OR2L13: variants seen among roughly 807,000 people sequenced by gnomAD.
OR2L13 encodes olfactory receptor 2L13.
A neutral mutation model predicts 15.3 loss-of-function variants in OR2L13; 14 were observed. That is an observed-to-expected ratio of 0.91 (90% CI 0.60 to 1.43). OR2L13 has a LOEUF of 1.43. OR2L13 is among the 40% of genes most tolerant of loss of function. The pLI, the probability that OR2L13 is intolerant of heterozygous loss-of-function variation, is 0.00. For synonymous variants in OR2L13, 152 were observed against 142.9 expected, an observed-to-expected ratio of 1.06 and a Z score of -0.45; for missense variants, 367 against 387.9, an observed-to-expected ratio of 0.95 and a Z score of 0.45.
At chr1:248,063,191 A>C in the OR2L13 span, 2 of 152,232 alleles carry the variant, frequency 1.3e-5, no homozygotes, top group Non-Finnish European at 2.9e-5. Flanking sequence ...TTATTTAAAT[A>C]ATATTAATTC....
chr1:248,036,370 A>G, the OR2L13 span, among the ~76,000 whole-genome samples: 4 of 152,162 alleles, frequency 2.6e-5, no homozygotes, highest in Non-Finnish European at 5.9e-5. Flanking sequence ...CCTTGCATAT[A>G]GCTAATGATA....
At chr1:247,966,671 G>A in the OR2L13 span, among the ~76,000 whole-genome samples, 1 of 152,176 alleles carries the variant, frequency 6.6e-6, no homozygotes, top group African/African-American at 2.4e-5. Flanking sequence ...TTTAATTTGT[G>A]TGTGACACTG....
At chr1:248,026,101 TAAAA>T in the OR2L13 span, among the ~76,000 whole-genome samples, 5 of 151,954 alleles carry the variant, frequency 3.3e-5, no homozygotes, top group Non-Finnish European at 7.4e-5. Flanking sequence ...AGTATAATAA[TAAAA>T]AAAGAAAAAT....
the OR2L13 span, among the ~76,000 whole-genome samples, chr1:247,941,654 A>T: frequency 6.6e-6 from 1 of 151,344 alleles, no homozygotes; most frequent in East Asian, 1.9e-4. Flanking sequence ...AGAGAGAGAG[A>T]GAGACCTTGT....
At chr1:248,038,398 T>C in the OR2L13 span, 1 of 1,613,772 alleles carries the variant, frequency 6.2e-7, no homozygotes, top group Non-Finnish European at 8.5e-7. Flanking sequence ...AATCTATCCA[T>C]GATTCTTCTC....
At chr1:247,955,568 G>A in the OR2L13 span, among the ~76,000 whole-genome samples, 8 of 151,618 alleles carry the variant, frequency 5.3e-5, no homozygotes, top group South Asian at 4.2e-4. Context: ...CCCATCAACA[G>A]TGTAAAAGTG....
the OR2L13 span, among the ~76,000 whole-genome samples, chr1:248,032,405 G>A: frequency 2.0e-5 from 3 of 151,964 alleles, no homozygotes; most frequent in Non-Finnish European, 2.9e-5. Context: ...TCAGGTCTGT[G>A]GCACTAAGTA....
At chr1:248,078,057 A>G in the OR2L13 span, among the ~76,000 whole-genome samples, 1 of 152,242 alleles carries the variant, frequency 6.6e-6, no homozygotes, top group Admixed American at 6.5e-5. Flanking sequence ...TTTCCAATAT[A>G]TTTTTATAAT....
At chr1:247,949,032 T>C in the OR2L13 span, 1 of 1,613,966 alleles carries the variant, frequency 6.2e-7, no homozygotes, top group South Asian at 1.1e-5. Context: ...CACACCCATG[T>C]ATTTCCTACT....
At chr1:248,091,546 C>T (rs879571697), upstream of OR2L13, among the ~76,000 whole-genome samples, 5 of 151,794 alleles carry the variant, frequency 3.3e-5, no homozygotes, top group Non-Finnish European at 7.4e-5. Context: ...GAAGTCATTT[C>T]CCCATTGATT....
chr1:248,070,977 A>T, the OR2L13 span, among the ~76,000 whole-genome samples: 1 of 152,210 alleles, frequency 6.6e-6, no homozygotes, highest in Non-Finnish European at 1.5e-5. Context: ...AATTGTGGCA[A>T]TAATCAATAG....
At chr1:248,073,818 C>G in the OR2L13 span, among the ~76,000 whole-genome samples, 1 of 151,606 alleles carries the variant, frequency 6.6e-6, no homozygotes, top group Non-Finnish European at 1.5e-5. Flanking sequence ...AAACATTATA[C>G]ACTTAAAAAC....
the OR2L13 span, among the ~76,000 whole-genome samples, chr1:248,012,743 TTAAA>T: frequency 6.6e-6 from 1 of 152,100 alleles, no homozygotes; most frequent in African/African-American, 2.4e-5. Flanking sequence ...TAACATATAC[TTAAA>T]TAAAAACATG....
the OR2L13 span, among the ~76,000 whole-genome samples, chr1:248,031,338 G>A: frequency 1.6e-4 from 25 of 152,142 alleles, no homozygotes. Context: ...TTGTAACATC[G>A]CAGAACACAT....
the OR2L13 span, among the ~76,000 whole-genome samples, chr1:248,009,437 T>C: frequency 6.6e-6 from 1 of 152,068 alleles, no homozygotes; most frequent in Non-Finnish European, 1.5e-5. Context: ...AATGGGCAAA[T>C]TCCTGGACAT....
chr1:247,951,076 AAAATT>A, the OR2L13 span, among the ~76,000 whole-genome samples: 1 of 151,756 alleles, frequency 6.6e-6, no homozygotes, highest in African/African-American at 2.4e-5. Flanking sequence ...TTAAAAATAA[AAAATT>A]AAATCAGTTA....
At chr1:247,999,936 C>T in the OR2L13 span, among the ~76,000 whole-genome samples, 707 of 152,152 alleles carry the variant, frequency 4.6e-3, 6 homozygotes, top group African/African-American at 0.016. Context: ...AGATTCAGAA[C>T]TTTAGGATAT....
At chr1:247,979,466 C>T in the OR2L13 span, among the ~76,000 whole-genome samples, 2 of 152,158 alleles carry the variant, frequency 1.3e-5, no homozygotes, top group Non-Finnish European at 2.9e-5. Context: ...CCAGCTTCGT[C>T]CATGTCCCTG....
the OR2L13 span, among the ~76,000 whole-genome samples, chr1:247,991,814 C>T: frequency 6.7e-6 from 1 of 149,596 alleles, no homozygotes; most frequent in Non-Finnish European, 1.5e-5. Context: ...AAAGGATCAA[C>T]GTTATTTTCA....
Sources: allele counts gnomAD v4.1 joint callset (sites outside exome capture counted in the v4.1 genomes callset), GRCh38; gene constraint gnomAD v4.1.1; transcripts MANE v1.5; gene names NCBI Gene and HGNC (gene_info 2026-07-23, HGNC 2026-07-21).